The following RALGDS variants were observed in gnomAD, a reference collection of about 807,000 sequenced individuals.
RALGDS encodes ral guanine nucleotide dissociation stimulator.
In RALGDS, 44 loss-of-function variants were observed where a neutral mutation model predicts 99.8. The observed-to-expected ratio is 0.44, with a 90% CI of 0.35 to 0.57. The LOEUF is 0.57. Ranked by LOEUF, RALGDS falls within the 20% of genes least tolerant of loss-of-function variation. The pLI is 0.01. For synonymous variants in RALGDS, 529 were observed against 505.0 expected (o/e 1.05, Z -0.64); for missense variants, 1,022 against 1,203.1 (o/e 0.85, Z 2.23).
chr9:133,112,568 G>A (rs1831401613), intron 1 of RALGDS, among the ~76,000 whole-genome samples: 1 of 152,158 alleles, frequency 6.6e-6, no homozygotes, highest in South Asian at 2.1e-4. Flanking sequence ...GGACCCCAGG[G>A]CTCTGACACG....
intron 11 of RALGDS, 189 bp downstream of exon 11, chr9:133,103,558 C>T (rs574711032): frequency 5.9e-5 from 43 of 727,548 alleles, no homozygotes; most frequent in Admixed American, 5.3e-4. Flanking sequence ...GGGTCACTGC[C>T]TGAGGGATGG....
chr9:133,125,093 A>C (rs2119232157), upstream of RALGDS, among the ~76,000 whole-genome samples: 1 of 152,394 alleles, frequency 6.6e-6, no homozygotes, highest in South Asian at 2.1e-4. Context: ...GACGTCTAAC[A>C]AATGCAATGT....
chr9:133,127,732 G>T (rs1010210704), intron 1 of RALGDS, among the ~76,000 whole-genome samples: 5 of 152,204 alleles, frequency 3.3e-5, no homozygotes, highest in African/African-American at 1.2e-4. Context: ...TCCTTCTGCC[G>T]CCAGGATGCA....
At chr9:133,105,488 T>C (rs753366869) in intron 9 of RALGDS, among the ~76,000 whole-genome samples, 56 of 152,228 alleles carry the variant, frequency 3.7e-4, no homozygotes, top group Non-Finnish European at 6.9e-4. Flanking sequence ...GCAGCTCCTG[T>C]CCCTGGGGTA....
chr9:133,108,798 A>C lies in RALGDS; in HGVS notation c.653T>G (p.Phe218Cys). The C allele has an allele frequency of 6.2e-7, 1 of 1,613,434 alleles. No individual in the cohort carries two copies. The highest frequency in any genetic ancestry group is 8.5e-7 in the Non-Finnish European group (1 of 1,179,974). ...GGCCACCAGCTGCTTGAGGCAGGGA[A>C]AGTCCGGAGGTTGACAGAAATCCTC... ...YSEDFCQPPD[F>C]PCLKQLVAYV... Residue 218 changes from phenylalanine (F) to cysteine (C), a missense_variant, in exon 5 of 18, where the codon TTT becomes TGT. Transcript: ENST00000372050.
At chr9:133,100,109 GA>G (rs1453446165) in intron 17 of RALGDS, 158 bp downstream of exon 17, 1 of 748,316 alleles carries the variant, frequency 1.3e-6, no homozygotes, top group African/African-American at 1.7e-5. Flanking sequence ...GGTTGCTGGG[GA>G]CAGCAAGCAG....
At chr9:133,143,441 G>A (rs1025570874) in intron 1 of RALGDS, among the ~76,000 whole-genome samples, 10 of 152,170 alleles carry the variant, frequency 6.6e-5, no homozygotes, top group African/African-American at 2.2e-4. Context: ...GGCCTTGTGC[G>A]GGTAGGGAGG....
intron 12 of RALGDS, 115 bp from the exon 13 acceptor site, chr9:133,103,015 TC>T (rs1482269203): frequency 6.7e-7 from 1 of 1,486,336 alleles, no homozygotes; most frequent in Non-Finnish European, 9.2e-7. Context: ...ATCCAGGCCT[TC>T]CTGTTCTCAA....
chr9:133,128,263 C>T (rs1832225633), intron 1 of RALGDS, among the ~76,000 whole-genome samples: 1 of 152,056 alleles, frequency 6.6e-6, no homozygotes, highest in African/African-American at 2.4e-5. Flanking sequence ...GCCGGAGGAC[C>T]ACAGCGGGAG....
chr9:133,116,440 C>G, intron 1 of RALGDS, among the ~76,000 whole-genome samples: 1 of 152,252 alleles, frequency 6.6e-6, no homozygotes, highest in East Asian at 1.9e-4. Flanking sequence ...CCGGCCTGTG[C>G]CCTGCTACTC....
intron 1 of RALGDS, among the ~76,000 whole-genome samples, chr9:133,139,738 C>T (rs964928507): frequency 1.4e-4 from 22 of 152,212 alleles, no homozygotes; most frequent in South Asian, 2.1e-4. Flanking sequence ...CCAAGGGCAG[C>T]GGGAGCTGGT....
intron 10 of RALGDS, 71 bp downstream of exon 10, chr9:133,104,192 A>G (rs1830903750): frequency 6.8e-7 from 1 of 1,479,278 alleles, no homozygotes; most frequent in Non-Finnish European, 9.4e-7. Context: ...CACCGTGGCT[A>G]GAGAGGAAAG....
intron 9 of RALGDS, among the ~76,000 whole-genome samples, chr9:133,104,820 TA>T (rs1016539856): frequency 1.3e-5 from 2 of 151,924 alleles, no homozygotes; most frequent in Non-Finnish European, 2.9e-5. Flanking sequence ...TCTAAACAAA[TA>T]AAAAAACTCC....
chr9:133,146,261 C>T (rs1832621377), intron 1 of RALGDS, among the ~76,000 whole-genome samples: 1 of 152,184 alleles, frequency 6.6e-6, no homozygotes. Flanking sequence ...GATCTTGGCT[C>T]ACTGCACTCA....
rs577805421 is a variant in RALGDS, at chr9:133,142,931, G to A, written c.18+6032C>T. Among the ~76,000 whole-genome samples, 111 of 152,336 alleles carry A rather than the reference G, an allele frequency of 7.3e-4. 1 individual carries two copies. The highest frequency in any genetic ancestry group is 2.5e-3 in the African/African-American group (105 of 41,576). On this transcript the variant is annotated intron_variant, in intron 1 of 17. Transcript: ENST00000393160. The stretch of plus-strand genomic sequence containing the variant: ...CAGGCTTGTGTGCACACGGGGAGGC[G>A]CCATTGCCAAGCTGCCACTACCTAG...
chr9:133,144,535 G>A lies in RALGDS; in HGVS notation c.18+4428C>T, dbSNP rs1292558945. Among the ~76,000 whole-genome samples, 1 of 152,242 alleles carries A rather than the reference G, an allele frequency of 6.6e-6. No homozygotes were observed. The highest frequency in any genetic ancestry group is 1.5e-5 in the Non-Finnish European group (1 of 68,046). ...TGCGCAAGCTCCTCGCGACCCGAAA[G>A]CGAGACCTTTGTCTGCGGCAGCTCC... On this transcript the variant is annotated intron_variant, in intron 1 of 17. Transcript: ENST00000393160. The surrounding 1 kb of genome is among the most constrained non-coding windows in gnomAD (Gnocchi z 4.5).
At chr9:133,099,942 A>G (rs1830677040) in intron 17 of RALGDS, 1 of 398,310 alleles carries the variant, frequency 2.5e-6, no homozygotes, top group Admixed American at 3.7e-5. Context: ...TTTGTAGAGC[A>G]CATGTTTTCT....
chr9:133,102,196 C>T (rs2519091), intron 14 of RALGDS, 57 bp from the exon 15 acceptor site: 1,104,037 of 1,520,684 alleles, frequency 0.73, 403,810 homozygotes, highest in African/African-American at 0.89. Context: ...CCCAACCCCA[C>T]AGCCCCTGCA....
At chr9:133,111,918 A>G in intron 2 of RALGDS, 124 bp downstream of exon 2, 1 of 747,300 alleles carries the variant, frequency 1.3e-6, no homozygotes, top group Non-Finnish European at 2.3e-6. Flanking sequence ...TGGGCTGGAC[A>G]GTGGGGGTCG....
Sources: allele counts gnomAD v4.1 joint callset (sites outside exome capture counted in the v4.1 genomes callset), GRCh38; gene constraint gnomAD v4.1.1; non-coding constraint Gnocchi (gnomAD v3.1); transcripts MANE v1.5; gene names NCBI Gene and HGNC (gene_info 2026-07-23, HGNC 2026-07-21).